The following LHCGR variants were observed in gnomAD, a reference collection of about 807,000 sequenced individuals.
The protein encoded by LHCGR is lutropin-choriogonadotropic hormone receptor.
LHCGR carries 55 observed loss-of-function variants against 60.7 expected under a neutral mutation model. That is an observed-to-expected ratio of 0.91 (90% CI 0.73 to 1.13). The LOEUF is 1.13. LHCGR is among the 50% of genes most tolerant of loss of function. The pLI is 0.00. For missense variants in LHCGR, 862 were observed against 836.0 expected, an observed-to-expected ratio of 1.03 and a Z score of -0.38; for synonymous variants, 337 against 316.5, an observed-to-expected ratio of 1.06 and a Z score of -0.69.
At chr2:48,708,895 A>C in intron 8 of LHCGR, 53 bp downstream of exon 8, 1 of 1,327,794 alleles carries the variant, frequency 7.5e-7, no homozygotes, top group Non-Finnish European at 1.1e-6. Context: ...CACCCTAAGC[A>C]GTCCTGTTGG....
At chr2:48,723,206 G>T (rs1668578092) in intron 6 of LHCGR, among the ~76,000 whole-genome samples, 1 of 152,166 alleles carries the variant, frequency 6.6e-6, no homozygotes, top group South Asian at 2.1e-4. Context: ...AATTTCATAA[G>T]TTTGAGACTC....
At chr2:48,725,966 C>T (rs1668700765) in intron 3 of LHCGR, among the ~76,000 whole-genome samples, 1 of 152,142 alleles carries the variant, frequency 6.6e-6, no homozygotes, top group South Asian at 2.1e-4. Context: ...TCTCAAGCTT[C>T]TAAAGAGGTG....
intron 6 of LHCGR, chr2:48,720,513 C>T (rs1408332107): frequency 6.6e-6 from 1 of 152,220 alleles, no homozygotes; most frequent in Admixed American, 6.5e-5. Context: ...AGAGTTACCT[C>T]CAAGCCTGTC....
At chr2:48,708,818 C>T in intron 8 of LHCGR, 130 bp downstream of exon 8, 1 of 800,028 alleles carries the variant, frequency 1.2e-6, no homozygotes, top group Non-Finnish European at 2.3e-6. Flanking sequence ...TTTGTCTTTC[C>T]AACAGCAGCC....
Position 48,687,614 on chromosome 2 carries a change from C to A in LHCGR, c.*83G>T, listed in dbSNP as rs113949589. ...AAATAAATAATTTCCTAAATCCAAC[C>A]CTTTATGTTAAAATTACTGGTACAG... On this transcript the variant is annotated 3_prime_UTR_variant, in exon 11 of 11. Transcript: ENST00000294954. 41 of 1,161,966 alleles carry A rather than the reference C, an allele frequency of 3.5e-5. 2 individuals carry two copies. In the African/African-American group the frequency reaches 4.0e-4, roughly 11 times the overall value. The allele number at this position is 1,161,966 out of a possible 1,614,324, so 72.0% of individuals were successfully genotyped here. A position where few individuals can be genotyped will look rare whatever the true frequency, so the allele number is the denominator to read the frequency against.
rs774265436 is a variant in LHCGR, at chr2:48,687,830, A to G, written c.1967T>C (p.Phe656Ser). 1.2e-6 allele frequency: 2 copies of G among 1,614,168 alleles called. No individual in the cohort carries two copies. Among genetic ancestry groups the G allele is most frequent in the Non-Finnish European group, 1.7e-6 (2 of 1,180,030 alleles). Residue 656 changes from phenylalanine (F) to serine (S), a missense_variant, in exon 11 of 11, where the codon TTT (phenylalanine) becomes TCT (serine). Coordinates refer to ENST00000294954, the MANE Select transcript of LHCGR (RefSeq NM_000233.4). ...RRAELYRRKD[F>S]SAYTSNCKNG... is the part of the protein sequence containing the mutation. ...TTTGCAGTTGGAGGTGTAAGCTGAA[A>G]AATCTTTCCTTCTATAAAGTTCAGC... is the stretch of plus-strand genomic sequence containing the variant.
chr2:48,734,147 C>T (rs187866593), intron 1 of LHCGR, among the ~76,000 whole-genome samples: 1 of 152,136 alleles, frequency 6.6e-6, no homozygotes, highest in Non-Finnish European at 1.5e-5. Flanking sequence ...AAAATTTGGA[C>T]CGTACACACC....
intron 1 of LHCGR, among the ~76,000 whole-genome samples, chr2:48,746,029 T>A (rs1387047987): frequency 1.3e-5 from 2 of 152,150 alleles, no homozygotes; most frequent in African/African-American, 4.8e-5. Context: ...AAAATTTCAT[T>A]TCACATCTAT....
At chr2:48,704,302 G>A (rs1012029655) in intron 8 of LHCGR, among the ~76,000 whole-genome samples, 1 of 152,066 alleles carries the variant, frequency 6.6e-6, no homozygotes, top group Admixed American at 6.5e-5. Flanking sequence ...AGTATTTTAT[G>A]GAGGATTTTC....
chr2:48,693,096 A>G (rs1666938949), intron 10 of LHCGR, among the ~76,000 whole-genome samples: 2 of 152,202 alleles, frequency 1.3e-5, no homozygotes, highest in Non-Finnish European at 2.9e-5. Flanking sequence ...TGATAAGAAT[A>G]AAGTCATGTG....
chr2:48,740,380 C>G (rs1669392197), intron 1 of LHCGR, among the ~76,000 whole-genome samples: 1 of 152,264 alleles, frequency 6.6e-6, no homozygotes, highest in Non-Finnish European at 1.5e-5. Context: ...GGCTCCACCT[C>G]TGGGGGCAGG....
chr2:48,704,201 G>A (rs981998843), intron 8 of LHCGR, among the ~76,000 whole-genome samples: 1 of 152,110 alleles, frequency 6.6e-6, no homozygotes, highest in African/African-American at 2.4e-5. Context: ...TTATTGATTT[G>A]CATATGTTGA....
At chr2:48,754,772 C>T (rs1376432684) in intron 1 of LHCGR, among the ~76,000 whole-genome samples, 13 of 152,104 alleles carry the variant, frequency 8.5e-5, no homozygotes, top group Non-Finnish European at 1.5e-4. Flanking sequence ...GACCTGATGA[C>T]ACCCTGATAG....
intron 1 of LHCGR, among the ~76,000 whole-genome samples, chr2:48,744,920 G>A (rs1440560539): frequency 6.6e-6 from 1 of 152,006 alleles, no homozygotes; most frequent in African/African-American, 2.4e-5. Context: ...CCTACAAAAT[G>A]GGAGAAAATT....
At chr2:48,732,540 T>A (rs1324991302) in intron 1 of LHCGR, among the ~76,000 whole-genome samples, 1 of 152,178 alleles carries the variant, frequency 6.6e-6, no homozygotes, top group Non-Finnish European at 1.5e-5. Flanking sequence ...TTCTCTTACA[T>A]AGCAGAAGAA....
chr2:48,734,300 G>A (rs1669125771), intron 1 of LHCGR, among the ~76,000 whole-genome samples: 1 of 152,168 alleles, frequency 6.6e-6, no homozygotes, highest in Non-Finnish European at 1.5e-5. Context: ...ATATGTAAAC[G>A]AAACACTAGA....
At chr2:48,689,539 A>G (rs1199393792) in intron 10 of LHCGR, among the ~76,000 whole-genome samples, 1 of 152,220 alleles carries the variant, frequency 6.6e-6, no homozygotes, top group East Asian at 1.9e-4. Context: ...TTAGGAGCAG[A>G]GGAAGAATAT....
chr2:48,697,836 CATAAA>C (rs1342832532), intron 9 of LHCGR, among the ~76,000 whole-genome samples: 1 of 152,026 alleles, frequency 6.6e-6, no homozygotes, highest in African/African-American at 2.4e-5. Flanking sequence ...ATAAAAAAAG[CATAAA>C]ATAAAATAGA....
chr2:48,722,582 C>T (rs1668550767), intron 6 of LHCGR, among the ~76,000 whole-genome samples: 1 of 152,114 alleles, frequency 6.6e-6, no homozygotes, highest in African/African-American at 2.4e-5. Flanking sequence ...AAGTGCGTGA[C>T]ATCTCCCTGC....
Sources: allele counts gnomAD v4.1 joint callset (sites outside exome capture counted in the v4.1 genomes callset), GRCh38; gene constraint gnomAD v4.1.1; transcripts MANE v1.5; gene names NCBI Gene and HGNC (gene_info 2026-07-23, HGNC 2026-07-21).